Variants in RIMBP2 observed in about 807,000 individuals in gnomAD.
RIMBP2 encodes the protein RIMS binding protein 2, also known as RIMS-binding protein 2.
RIMBP2 carries 48 observed loss-of-function variants against 118.6 expected under a neutral mutation model. The observed-to-expected ratio is 0.40, with a 90% CI of 0.32 to 0.51. The LOEUF (loss-of-function observed/expected upper bound fraction) is 0.51, where lower values mean the gene tolerates loss of function less well. Ranked by LOEUF, RIMBP2 falls within the 20% of genes least tolerant of loss-of-function variation. RIMBP2 has a pLI of 0.41. For synonymous variants in RIMBP2, 762 were observed against 742.9 expected (o/e 1.03, Z -0.42); for missense variants, 1,551 against 1,768.3 (o/e 0.88, Z 2.20).
At chr12:130,430,049 GA>G (rs1443683011) in intron 14 of RIMBP2, 1 of 152,296 alleles carries the variant, frequency 6.6e-6, no homozygotes, top group Admixed American at 6.5e-5. Flanking sequence ...GCATTCGCCA[GA>G]TGCTTGAGGT....
intron 1 of RIMBP2, among the ~76,000 whole-genome samples, chr12:130,686,016 ATC>A (rs2065026020): frequency 6.6e-6 from 1 of 151,774 alleles, no homozygotes; most frequent in African/African-American, 2.4e-5. Context: ...ACTTTCTCCC[ATC>A]TGCTGTCCGG....
rs144793914 is a variant in RIMBP2, at chr12:130,462,522, C to T, written c.154-5822G>A. On this transcript the variant is annotated intron_variant, in intron 6 of 22. Coordinates refer to ENST00000690449, the MANE Select transcript of RIMBP2 (RefSeq NM_001393629.1). The stretch of plus-strand genomic sequence containing the variant: ...GTTGGTTAAAGTGAAGATATGTCAC[C>T]CAGCTCACACATCTTAGCACTGCCT... 1.8e-3 allele frequency among the ~76,000 whole-genome samples: 276 copies of T among 152,320 alleles called. 3 individuals carry two copies. Among genetic ancestry groups the T allele is most frequent in the Middle Eastern group, 6.8e-3 (2 of 294 alleles).
chr12:130,636,769 AC>A (rs1189631604), intron 1 of RIMBP2, among the ~76,000 whole-genome samples: 2 of 152,162 alleles, frequency 1.3e-5, no homozygotes, highest in Non-Finnish European at 2.9e-5. Context: ...ATGAGGAGAA[AC>A]CAAGTCCTGA....
intron 5 of RIMBP2, among the ~76,000 whole-genome samples, chr12:130,476,700 G>A (rs1163316542): frequency 1.3e-5 from 2 of 152,158 alleles, no homozygotes; most frequent in African/African-American, 4.8e-5. Flanking sequence ...TCACGGCCCC[G>A]TCAATCCGCC....
At chr12:130,415,863 T>C (rs765493276) in intron 17 of RIMBP2, among the ~76,000 whole-genome samples, 1 of 152,196 alleles carries the variant, frequency 6.6e-6, no homozygotes, top group Non-Finnish European at 1.5e-5. Context: ...AATTTCAGGA[T>C]ACAAAATCAA....
At chr12:130,484,512 C>T (rs1056734629) in intron 4 of RIMBP2, among the ~76,000 whole-genome samples, 2 of 152,258 alleles carry the variant, frequency 1.3e-5, no homozygotes, top group African/African-American at 4.8e-5. Flanking sequence ...CACTGGCCGG[C>T]TCCCTTGCCT....
At chr12:130,616,998 G>GC (rs1394621390) in intron 2 of RIMBP2, among the ~76,000 whole-genome samples, 1 of 152,104 alleles carries the variant, frequency 6.6e-6, no homozygotes, top group Non-Finnish European at 1.5e-5. Context: ...GGGTGCAGGG[G>GC]CCCCCCTCCT....
intron 1 of RIMBP2, among the ~76,000 whole-genome samples, chr12:130,629,921 A>G (rs1424600704): frequency 2.0e-5 from 3 of 151,960 alleles, no homozygotes; most frequent in Non-Finnish European, 4.4e-5. Flanking sequence ...GTAAAAGAAC[A>G]TAATGATAAA....
chr12:130,488,067 C>A (rs531851134), intron 4 of RIMBP2, among the ~76,000 whole-genome samples: 1 of 152,134 alleles, frequency 6.6e-6, no homozygotes, highest in Non-Finnish European at 1.5e-5. Context: ...GGAATTAAAG[C>A]AATGATTTTG....
At chr12:130,423,952 A>G (rs1799493737) in intron 16 of RIMBP2, among the ~76,000 whole-genome samples, 190 bp downstream of exon 16, 1 of 152,152 alleles carries the variant, frequency 6.6e-6, no homozygotes, top group Admixed American at 6.5e-5. Flanking sequence ...AAGCACAGTA[A>G]AGAAATCTTC....
At chr12:130,439,965 A>G (rs1408535571) in intron 11 of RIMBP2, among the ~76,000 whole-genome samples, 2 of 150,148 alleles carry the variant, frequency 1.3e-5, no homozygotes, top group Non-Finnish European at 3.0e-5. Context: ...GTGGGTCTGT[A>G]GGGATGTGTG....
At position 130,424,029 on chromosome 12, in the gene RIMBP2, C is replaced by T. The variant is rs1381059588; in HGVS notation, c.3129+113G>A. On this transcript the variant is annotated intron_variant, in intron 16 of 22. Transcript: ENST00000690449. This position sits in a 1 kb window ranked among gnomAD's most constrained non-coding sequence, Gnocchi z 9.8. ...TCAAAAATGCAGGGAAAACGAAAGACAGCCAGCAAGAGAGTCCCCAGGGAT... is the reference window on the plus strand; with the variant it reads ...TCAAAAATGCAGGGAAAACGAAAGATAGCCAGCAAGAGAGTCCCCAGGGAT... The T allele has an allele frequency of 1.1e-5, 6 of 523,154 alleles. No homozygotes were observed. The highest frequency in any genetic ancestry group is 1.8e-5 in the Non-Finnish European group (6 of 340,758). The allele number at this position is 523,154 out of a possible 1,614,324, so 32.4% of individuals were successfully genotyped here.
chr12:130,697,863 T>C (rs1409562198), intron 1 of RIMBP2, among the ~76,000 whole-genome samples: 3 of 152,104 alleles, frequency 2.0e-5, no homozygotes, highest in Non-Finnish European at 4.4e-5. Context: ...GGGCGAGTGT[T>C]GGTGAAGAGA....
At chr12:130,528,587 G>C (rs1231848162) in intron 2 of RIMBP2, among the ~76,000 whole-genome samples, 3 of 152,178 alleles carry the variant, frequency 2.0e-5, no homozygotes, top group Admixed American at 2.0e-4. Flanking sequence ...TGCATGTCCT[G>C]CACATGTACC....
intron 22 of RIMBP2, chr12:130,399,236 A>G (rs1426387068): frequency 2.4e-6 from 2 of 823,796 alleles, no homozygotes; most frequent in Non-Finnish European, 3.3e-6. Context: ...TGCAGTGATG[A>G]AATAAAATAA....
chr12:130,655,074 C>G (rs2063368082), intron 1 of RIMBP2, among the ~76,000 whole-genome samples: 1 of 152,190 alleles, frequency 6.6e-6, no homozygotes, highest in African/African-American at 2.4e-5. Context: ...AGACACACAT[C>G]CAAACCATAT....
chr12:130,598,333 G>A (rs1335934759), intron 2 of RIMBP2, among the ~76,000 whole-genome samples: 1 of 151,996 alleles, frequency 6.6e-6, no homozygotes, highest in Non-Finnish European at 1.5e-5. Context: ...GATTCAACAT[G>A]ACCCTGTCAA....
chr12:130,504,594 C>T (rs1052972415), intron 4 of RIMBP2, among the ~76,000 whole-genome samples: 7 of 152,264 alleles, frequency 4.6e-5, no homozygotes, highest in East Asian at 1.9e-4. Flanking sequence ...CAGAAAGGCA[C>T]GCAGTCCTGC....
Position 130,711,912 on chromosome 12 carries a change from A to G in RIMBP2, c.-352+4310T>C, listed in dbSNP as rs114049573. Among the ~76,000 whole-genome samples, 926 of 152,360 alleles carry G rather than the reference A, an allele frequency of 6.1e-3. 18 individuals are homozygous for G. Among genetic ancestry groups the G allele is most frequent in the African/African-American group, 0.021 (877 of 41,582 alleles). ...ACGCCCTGGCTCGATGGGCAAGCCC[A>G]TTGCTTCCGGTTTCACAGCTGTGCA... On this transcript the variant is annotated intron_variant, in intron 1 of 22. Coordinates refer to ENST00000690449, the MANE Select transcript of RIMBP2 (RefSeq NM_001393629.1).
Sources: allele counts gnomAD v4.1 joint callset (sites outside exome capture counted in the v4.1 genomes callset), GRCh38; gene constraint gnomAD v4.1.1; non-coding constraint Gnocchi (gnomAD v3.1); transcripts MANE v1.5; gene names NCBI Gene and HGNC (gene_info 2026-07-23, HGNC 2026-07-21).